MECOM: variants seen among roughly 807,000 people sequenced by gnomAD.
The protein encoded by MECOM is MDS1 and EVI1 complex locus, also known as histone-lysine N-methyltransferase MECOM.
MECOM carries 13 observed loss-of-function variants against 116.3 expected under a neutral mutation model. The observed-to-expected ratio is 0.11, with a 90% CI of 0.07 to 0.18. MECOM has a LOEUF of 0.18. Among genes scored for constraint, MECOM ranks in the 10% least tolerant of loss-of-function variants. The pLI, the probability that MECOM is intolerant of heterozygous loss-of-function variation, is 1.00. For synonymous variants in MECOM, 528 were observed against 535.2 expected (o/e 0.99, Z 0.19); for missense variants, 1,299 against 1,509.0 (o/e 0.86, Z 2.31).
At chr3:169,585,866 G>GT (rs1765716470) in intron 1 of MECOM, among the ~76,000 whole-genome samples, 1 of 152,148 alleles carries the variant, frequency 6.6e-6, no homozygotes, top group Non-Finnish European at 1.5e-5. Flanking sequence ...GGAATAACAA[G>GT]TTTTTTAAAT....
chr3:169,287,350 G>C (rs1713538494), intron 2 of MECOM, among the ~76,000 whole-genome samples: 2 of 149,972 alleles, frequency 1.3e-5, no homozygotes, highest in Non-Finnish European at 1.5e-5. Flanking sequence ...TCAGTAATAA[G>C]ATACACAACA....
intron 2 of MECOM, among the ~76,000 whole-genome samples, chr3:169,361,759 CCT>C (rs1389914953): frequency 1.3e-5 from 2 of 151,758 alleles, no homozygotes; most frequent in African/African-American, 4.8e-5. Context: ...TGTTATACTG[CCT>C]CTTTTGCTGT....
At chr3:169,482,328 C>CTT (rs768771100) in intron 1 of MECOM, among the ~76,000 whole-genome samples, 20,942 of 108,136 alleles carry the variant, frequency 0.19, 2,677 homozygotes, top group Non-Finnish European at 0.24. Flanking sequence ...AACCCACGTT[C>CTT]TTTTTTTTTT....
intron 1 of MECOM, among the ~76,000 whole-genome samples, chr3:169,514,122 C>T (rs1756326995): frequency 6.6e-6 from 1 of 152,166 alleles, no homozygotes; most frequent in African/African-American, 2.4e-5. Context: ...AAAACCATGT[C>T]GGTAATCTAG....
chr3:169,229,163 G>T (rs558463051), intron 2 of MECOM, among the ~76,000 whole-genome samples: 6 of 152,248 alleles, frequency 3.9e-5, no homozygotes, highest in Middle Eastern at 3.4e-3. Context: ...AATCTGCTCT[G>T]CTGTAAAGAA....
intron 1 of MECOM, among the ~76,000 whole-genome samples, chr3:169,548,503 A>C (rs1054027388): frequency 4.6e-5 from 7 of 152,250 alleles, no homozygotes; most frequent in African/African-American, 1.7e-4. Flanking sequence ...ACAAGCTCTA[A>C]AAAGTAAGAG....
intron 1 of MECOM, among the ~76,000 whole-genome samples, chr3:169,413,684 T>A (rs114864630): frequency 2.2e-3 from 342 of 152,212 alleles, no homozygotes; most frequent in African/African-American, 7.1e-3. Flanking sequence ...CGACCTGGGA[T>A]GCTCCAGCTT....
At chr3:169,508,735 C>T (rs1025099422) in intron 1 of MECOM, among the ~76,000 whole-genome samples, 2 of 152,114 alleles carry the variant, frequency 1.3e-5, no homozygotes, top group African/African-American at 2.4e-5. Flanking sequence ...TCCTAAGGTA[C>T]GTATTCAAAG....
chr3:169,461,269 C>A (rs1747391462), intron 1 of MECOM, among the ~76,000 whole-genome samples: 1 of 152,108 alleles, frequency 6.6e-6, no homozygotes, highest in Admixed American at 6.6e-5. Context: ...ATGATTGAAG[C>A]TGTGGTCTTA....
intron 1 of MECOM, among the ~76,000 whole-genome samples, chr3:169,465,330 C>T (rs1442646115): frequency 2.0e-5 from 3 of 152,232 alleles, no homozygotes; most frequent in African/African-American, 7.2e-5. Flanking sequence ...ATATCTGTTT[C>T]CTAGTATTGT....
chr3:169,169,477 C>T (rs1744085068), intron 2 of MECOM, among the ~76,000 whole-genome samples: 1 of 152,134 alleles, frequency 6.6e-6, no homozygotes, highest in African/African-American at 2.4e-5. Context: ...GCAGACATTC[C>T]AGAATCCAGG....
At chr3:169,202,168 C>T (rs1411852427) in intron 2 of MECOM, among the ~76,000 whole-genome samples, 2 of 152,170 alleles carry the variant, frequency 1.3e-5, no homozygotes, top group East Asian at 3.9e-4. Context: ...TTCTTGAAAA[C>T]CATGTGCTCA....
intron 1 of MECOM, among the ~76,000 whole-genome samples, chr3:169,570,377 C>G (rs553886607): frequency 6.6e-5 from 10 of 152,242 alleles, no homozygotes; most frequent in Non-Finnish European, 1.3e-4. Flanking sequence ...AGCCCAGGAC[C>G]AGACGGATTC....
chr3:169,496,090 C>T (rs1753769913), intron 1 of MECOM, among the ~76,000 whole-genome samples: 1 of 152,172 alleles, frequency 6.6e-6, no homozygotes, highest in Admixed American at 6.5e-5. Flanking sequence ...GGAGCCTCCT[C>T]AAACAAGAAA....
chr3:169,326,412 T>C (rs949325677), intron 2 of MECOM, among the ~76,000 whole-genome samples: 1 of 152,168 alleles, frequency 6.6e-6, no homozygotes, highest in Non-Finnish European at 1.5e-5. Flanking sequence ...AGATTAGACA[T>C]GTAGAATTTA....
chr3:169,597,805 G>T (rs1442240360), intron 1 of MECOM, among the ~76,000 whole-genome samples: 1 of 152,086 alleles, frequency 6.6e-6, no homozygotes, highest in Non-Finnish European at 1.5e-5. Context: ...ATATCCTGAG[G>T]TTCCTGTCCC....
intron 2 of MECOM, among the ~76,000 whole-genome samples, chr3:169,306,563 T>A (rs1008567905): frequency 2.0e-5 from 3 of 152,148 alleles, no homozygotes; most frequent in African/African-American, 7.2e-5. Context: ...GCACCTGTAA[T>A]CCCAGCTACT....
intron 1 of MECOM, among the ~76,000 whole-genome samples, chr3:169,445,590 G>A (rs1744484529): frequency 1.3e-5 from 2 of 152,240 alleles, no homozygotes; most frequent in Middle Eastern, 3.2e-3. Flanking sequence ...GTAGGGAAAT[G>A]TGGGGTCACA....
intron 2 of MECOM, among the ~76,000 whole-genome samples, chr3:169,355,789 GAT>G (rs575424897): frequency 1.1e-3 from 166 of 151,654 alleles, no homozygotes; most frequent in Middle Eastern, 3.4e-3. Context: ...CTAACTTTTA[GAT>G]ATAAATACCA....
Sources: gnomAD v4.1 joint callset for allele counts (sites outside exome capture counted in the v4.1 genomes callset) on GRCh38, gnomAD v4.1.1 for gene constraint, MANE v1.5 for transcripts, NCBI Gene and HGNC (gene_info 2026-07-23, HGNC 2026-07-21) for gene names.